The following TRAPPC11 variants were observed in gnomAD, a reference collection of about 807,000 sequenced individuals.
TRAPPC11 encodes the protein foie gras homolog.
TRAPPC11 carries 104 observed loss-of-function variants against 151.2 expected under a neutral mutation model. The ratio of observed to expected loss-of-function variants is 0.69; its 90% CI spans 0.59 to 0.81. The LOEUF (loss-of-function observed/expected upper bound fraction) is 0.81. TRAPPC11 is among the 30% of genes least tolerant of loss of function. The pLI is 0.00. For synonymous variants in TRAPPC11, 456 were observed against 472.3 expected (o/e 0.97, Z 0.45); for missense variants, 1,230 against 1,349.6 (o/e 0.91, Z 1.39).
At chr4:183,684,116 A>T (rs1185236978) in intron 12 of TRAPPC11, 29 bp from the exon 13 acceptor site, 1 of 1,607,608 alleles carries the variant, frequency 6.2e-7, no homozygotes, top group Admixed American at 1.7e-5. Flanking sequence ...TTTGTATTGA[A>T]ATGTTTCACA....
chr4:183,685,122 A>G lies in TRAPPC11; in HGVS notation c.1606A>G (p.Lys536Glu). The change falls in exon 16 of 30, where the codon AAG becomes GAG. Residue 536 changes from lysine (K) to glutamate (E), a missense_variant. Physicochemically the swap from Lys to Glu is moderately conservative, Grantham distance 56. Transcript: ENST00000334690. ...AGATGACCAGAAGTCTCGGATAGAAAAGAACCTCATAAATGTTTTAATGGT... is the reference window on the plus strand; with the variant it reads ...AGATGACCAGAAGTCTCGGATAGAAGAGAACCTCATAAATGTTTTAATGGT... ...LKDDQKSRIE[K>E]NLINVLMNES... 6.2e-7 allele frequency: 1 copy of G among 1,613,978 alleles called. No homozygotes were observed.
chr4:183,701,440 G>T, intron 25 of TRAPPC11: 3 of 340,800 alleles, frequency 8.8e-6, no homozygotes, highest in African/African-American at 2.1e-5. Context: ...GCATTCATTA[G>T]TTTCCATAGG....
At position 183,706,415 on chromosome 4, in the gene TRAPPC11, T is replaced by C. The variant is rs182021826; in HGVS notation, c.3056-392T>C. Reference sequence around the variant, plus strand: ...GCGGGCACCTGTAGTCCCAGCTACTTGGGAGGCTGAAGCAGGACAATGGCG... The same window carrying C: ...GCGGGCACCTGTAGTCCCAGCTACTCGGGAGGCTGAAGCAGGACAATGGCG... On this transcript the variant is annotated intron_variant, in intron 27 of 29. Coordinates refer to ENST00000334690, the MANE Select transcript of TRAPPC11 (RefSeq NM_021942.6). Among the ~76,000 whole-genome samples, 366 of 151,490 alleles carry C rather than the reference T, an allele frequency of 2.4e-3. 1 individual carries two copies. Among genetic ancestry groups the C allele is most frequent in the African/African-American group, 8.4e-3 (345 of 41,218 alleles).
Position 183,679,373 on chromosome 4 carries a change from A to G in TRAPPC11, c.852A>G (p.Gln284=), listed in dbSNP as rs751652729. 7.5e-6 allele frequency: 12 copies of G among 1,610,402 alleles called. No homozygotes were observed. Among genetic ancestry groups the G allele is most frequent in the East Asian group, 2.2e-5 (1 of 44,698 alleles). The change falls in exon 9 of 30, where the codon CAA becomes CAG. Residue 284 remains glutamine, a synonymous_variant. Coordinates refer to ENST00000334690, the MANE Select transcript of TRAPPC11 (RefSeq NM_021942.6). ...INYKICRLCF[Q]HNTPLDAIAQ... is the part of the protein sequence containing the mutation. ...TGCAGATCTGTAGGCTGTGTTTTCAACACAACACCCCATTGGATGCAATTG... is the reference window on the plus strand; with the variant it reads ...TGCAGATCTGTAGGCTGTGTTTTCAGCACAACACCCCATTGGATGCAATTG...
intron 25 of TRAPPC11, 118 bp from the exon 26 acceptor site, chr4:183,701,577 GTC>G (rs969203935): frequency 7.4e-6 from 5 of 672,356 alleles, no homozygotes; most frequent in Non-Finnish European, 7.8e-6. Flanking sequence ...TACTTTCTAA[GTC>G]TCTACAAGTA....
At position 183,674,973 on chromosome 4, in the gene TRAPPC11, T is replaced by C. The variant is rs1735340371; in HGVS notation, c.660+161T>C. On this transcript the variant is annotated intron_variant, in intron 6 of 29. Transcript: ENST00000334690. ...AAATTAATTTGTTTTTAAATTAAAC[T>C]CTTTGCTTTTAAAGTTCTTAAAGGT... 10 of 587,130 alleles carry C rather than the reference T, an allele frequency of 1.7e-5. No homozygotes were observed. In the South Asian group the frequency reaches 3.2e-4, roughly 19 times the overall value. The allele number at this position is 587,130 out of a possible 1,614,324, so 36.4% of individuals were successfully genotyped here.
chr4:183,686,570 C>A, intron 17 of TRAPPC11, 48 bp from the exon 18 acceptor site: 1 of 1,599,310 alleles, frequency 6.3e-7, no homozygotes, highest in Non-Finnish European at 8.5e-7. Context: ...GTGTGTGGGT[C>A]GTGGGTATCT....
intron 10 of TRAPPC11, among the ~76,000 whole-genome samples, chr4:183,680,672 G>A (rs1250002699): frequency 3.5e-5 from 5 of 143,184 alleles, no homozygotes; most frequent in Non-Finnish European, 7.5e-5. Context: ...TTTCCTGTAT[G>A]GAGACTCTTT....
At position 183,693,680 on chromosome 4, in the gene TRAPPC11, C is replaced by T. The variant is rs749873235; in HGVS notation, c.2329C>T (p.Gln777Ter). 1 of 1,614,112 alleles carries T rather than the reference C, an allele frequency of 6.2e-7. No homozygotes were observed. The highest frequency in any genetic ancestry group is 8.5e-7 in the Non-Finnish European group (1 of 1,180,022). The change falls in exon 21 of 30, where the codon CAG becomes TAG. Residue 777 changes from glutamine to a stop codon, truncating the protein, a stop_gained. Coordinates refer to ENST00000334690, the MANE Select transcript of TRAPPC11 (RefSeq NM_021942.6). LOFTEE classifies it high-confidence loss of function. ...NEMYCLVVTV[Q>*]SHEKTQIRDV... ...AATGTATTGTTTGGTTGTGACTGTTCAGTCCCATGAAAAGACCCAAATCAG... is the reference window on the plus strand; with the variant it reads ...AATGTATTGTTTGGTTGTGACTGTTTAGTCCCATGAAAAGACCCAAATCAG...
chr4:183,684,842 G>GTT lies in TRAPPC11; in HGVS notation c.1567+2_1567+3insTT, dbSNP rs1735884191. The GTT allele has an allele frequency of 6.2e-7, 1 of 1,607,104 alleles. No homozygotes were observed. Among genetic ancestry groups the GTT allele is most frequent in the Non-Finnish European group, 8.5e-7 (1 of 1,177,870 alleles). On this transcript the variant is annotated splice_donor_variant, in intron 15 of 29. Coordinates refer to ENST00000334690, the MANE Select transcript of TRAPPC11 (RefSeq NM_021942.6). LOFTEE classifies it high-confidence loss of function. ...TACTCCCTAGAACTCCTTGGTAGAG[G>GTT]TAACCTGATGTTTTTTGAGTAAAAT...
chr4:183,707,672 T>C (rs1737143552), intron 28 of TRAPPC11, among the ~76,000 whole-genome samples: 1 of 152,204 alleles, frequency 6.6e-6, no homozygotes, highest in Admixed American at 6.5e-5. Flanking sequence ...ATATTCTGAG[T>C]GCTGTGTTTG....
intron 5 of TRAPPC11, among the ~76,000 whole-genome samples, chr4:183,670,764 C>G (rs915662088): frequency 5.3e-5 from 8 of 152,038 alleles, no homozygotes; most frequent in Admixed American, 3.3e-4. Context: ...CACCACCACA[C>G]CCGGCTAATT....
intron 27 of TRAPPC11, among the ~76,000 whole-genome samples, chr4:183,705,741 T>C (rs1737023723): frequency 6.6e-6 from 1 of 152,252 alleles, no homozygotes; most frequent in Admixed American, 6.5e-5. Context: ...ATTGGCAGCC[T>C]GTCTGTAGGC....
intron 18 of TRAPPC11, among the ~76,000 whole-genome samples, chr4:183,688,824 C>T (rs1736114662): frequency 6.6e-6 from 1 of 152,194 alleles, no homozygotes; most frequent in East Asian, 1.9e-4. Flanking sequence ...TGAGTTACTG[C>T]AGCCTTAGTC....
At chr4:183,669,120 A>G (rs1579163350) in intron 5 of TRAPPC11, among the ~76,000 whole-genome samples, 2 of 152,362 alleles carry the variant, frequency 1.3e-5, no homozygotes, top group Middle Eastern at 6.8e-3. Context: ...TGAATTGCAA[A>G]GAAACTTAAA....
Position 183,703,684 on chromosome 4 carries a change from G to A in TRAPPC11, c.2964-1295G>A, listed in dbSNP as rs374729104. 3.9e-5 allele frequency among the ~76,000 whole-genome samples: 6 copies of A among 152,202 alleles called. No homozygotes were observed. In the South Asian group the frequency reaches 1.0e-3, roughly 26 times the overall value. On this transcript the variant is annotated intron_variant, in intron 26 of 29. Coordinates refer to ENST00000334690, the MANE Select transcript of TRAPPC11 (RefSeq NM_021942.6). ...TCAGGAGGTATATTCATTTCTTATT[G>A]ATGAGGGCTTAGATGCTTTGCCTGT... is the stretch of plus-strand genomic sequence containing the variant.
At chr4:183,675,724 T>C (rs990961681) in intron 7 of TRAPPC11, 4 of 152,278 alleles carry the variant, frequency 2.6e-5, no homozygotes, top group Non-Finnish European at 4.4e-5. Flanking sequence ...ACCAGACTAT[T>C]GATTTTTATA....
At chr4:183,670,011 A>AT (rs1735074176) in intron 5 of TRAPPC11, among the ~76,000 whole-genome samples, 1 of 152,250 alleles carries the variant, frequency 6.6e-6, no homozygotes, top group Admixed American at 6.5e-5. Context: ...TGGGGAGTGC[A>AT]TAAGATAGTC....
At position 183,694,945 on chromosome 4, in the gene TRAPPC11, CT is replaced by C. The variant is rs34556587; in HGVS notation, c.2628+242del. ...CAGAAAATTAGCTTATATGGCTTTT[CT>C]TTTTTTTTTTTTTTTTTTTGAGGCG... On this transcript the variant is annotated intron_variant, in intron 23 of 29. Coordinates refer to ENST00000334690, the MANE Select transcript of TRAPPC11 (RefSeq NM_021942.6). Among the ~76,000 whole-genome samples the C allele has an allele frequency of 0.15, 18,205 of 119,692 alleles. 620 individuals carry two copies. The highest frequency in any genetic ancestry group is 0.21 in the East Asian group (895 of 4,192). The allele number at this position is 119,692 out of a possible 152,430, so 78.5% of individuals were successfully genotyped here.
Sources: allele counts gnomAD v4.1 joint callset (sites outside exome capture counted in the v4.1 genomes callset), GRCh38; gene constraint gnomAD v4.1.1; transcripts MANE v1.5; gene names NCBI Gene and HGNC (gene_info 2026-07-23, HGNC 2026-07-21).